The following MACROD2 variants were observed in gnomAD, a reference collection of about 807,000 sequenced individuals.
MACROD2 encodes the protein ADP-ribose glycohydrolase MACROD2.
A neutral mutation model predicts 70.4 loss-of-function variants in MACROD2; 36 were observed. The observed-to-expected ratio is 0.51, with a 90% CI of 0.39 to 0.68. MACROD2 has a LOEUF of 0.68. Among genes scored for constraint, MACROD2 ranks in the 30% least tolerant of loss-of-function variants. The pLI is 0.00. For synonymous variants in MACROD2, 172 were observed against 178.8 expected, an observed-to-expected ratio of 0.96 and a Z score of 0.30; for missense variants, 496 against 538.4, an observed-to-expected ratio of 0.92 and a Z score of 0.78.
chr20:14,216,615 T>C (rs1022830902), intron 3 of MACROD2, among the ~76,000 whole-genome samples: 3 of 152,216 alleles, frequency 2.0e-5, no homozygotes, highest in Non-Finnish European at 4.4e-5. Context: ...ATTTTCACAA[T>C]ATTGATTTCA....
intron 8 of MACROD2, among the ~76,000 whole-genome samples, chr20:15,650,501 A>G (rs1015516879): frequency 6.6e-6 from 1 of 152,212 alleles, no homozygotes; most frequent in African/African-American, 2.4e-5. Flanking sequence ...AGCAAAGTCA[A>G]TCCAAAGTGC....
intron 8 of MACROD2, among the ~76,000 whole-genome samples, chr20:15,500,150 TAAG>T (rs2047347167): frequency 6.6e-6 from 1 of 152,200 alleles, no homozygotes; most frequent in Non-Finnish European, 1.5e-5. Context: ...TGGATTTCAT[TAAG>T]AATAAGGAGT....
At chr20:14,771,463 T>G (rs1477889504) in intron 5 of MACROD2, among the ~76,000 whole-genome samples, 1 of 152,022 alleles carries the variant, frequency 6.6e-6, no homozygotes, top group African/African-American at 2.4e-5. Context: ...CCAAAGAATT[T>G]TATTTTCACA....
At chr20:14,563,526 TA>T (rs1979578414) in intron 4 of MACROD2, among the ~76,000 whole-genome samples, 1 of 151,844 alleles carries the variant, frequency 6.6e-6, no homozygotes, top group South Asian at 2.1e-4. Flanking sequence ...TTACTCTTTT[TA>T]AAAAGAAAAA....
chr20:15,100,847 A>G (rs1228628216), intron 5 of MACROD2, among the ~76,000 whole-genome samples: 1 of 152,192 alleles, frequency 6.6e-6, no homozygotes, highest in Non-Finnish European at 1.5e-5. Context: ...AAAGAAAGCC[A>G]TGAAATGAGA....
chr20:15,614,934 G>A (rs2049017449), intron 8 of MACROD2, among the ~76,000 whole-genome samples: 1 of 152,250 alleles, frequency 6.6e-6, no homozygotes. Context: ...TCTGTTTTTA[G>A]CACATTCCCT....
rs2077614348 is a variant in MACROD2 at position 15,298,741 on chromosome 20, A to G, written c.540+68680A>G. Among the ~76,000 whole-genome samples the G allele has an allele frequency of 2.6e-5, 4 of 152,284 alleles. No homozygotes were observed. The South Asian group carries it at 8.3e-4, about 32-fold the overall frequency. ...AACACTTTATTTTATATATTAAAAG[A>G]GTATTTATGGGGTGCAGTCATGAAA... On this transcript the variant is annotated intron_variant, in intron 6 of 17. Coordinates refer to ENST00000684519, the MANE Select transcript of MACROD2 (RefSeq NM_001351661.2).
chr20:15,471,471 A>G lies in MACROD2; in HGVS notation c.572-28303A>G, dbSNP rs928720397. On this transcript the variant is annotated intron_variant, in intron 7 of 17. Transcript: ENST00000684519. ...GTGTTATTCTCATTTTTTTCATATGATAACTCTGGGACTGAGACAGTAACT... is the reference window on the plus strand; with the variant it reads ...GTGTTATTCTCATTTTTTTCATATGGTAACTCTGGGACTGAGACAGTAACT... Among the ~76,000 whole-genome samples the G allele has an allele frequency of 2.0e-5, 3 of 152,260 alleles. No individual in the cohort carries two copies. In the East Asian group the frequency reaches 5.8e-4, roughly 29 times the overall value.
chr20:15,230,143 G>GA lies in MACROD2; in HGVS notation c.540+85dup, dbSNP rs2076947189. 2.2e-6 allele frequency: 3 copies of GA among 1,365,690 alleles called. No individual in the cohort carries two copies. In the East Asian group the frequency reaches 7.4e-5, roughly 34 times the overall value. The allele number at this position is 1,365,690 out of a possible 1,614,324, so 84.6% of individuals were successfully genotyped here. On this transcript the variant is annotated intron_variant, in intron 6 of 17. Transcript: ENST00000684519. ...ATCTGTCTTGTCTAAAGAGAGGTAG[G>GA]AAACCATTTCCAAACTTTTGAGAAC...
At chr20:14,600,358 A>T (rs1982413972) in intron 4 of MACROD2, among the ~76,000 whole-genome samples, 1 of 149,676 alleles carries the variant, frequency 6.7e-6, no homozygotes, top group Non-Finnish European at 1.5e-5. Context: ...ACACACACAC[A>T]CACACACAAA....
intron 5 of MACROD2, among the ~76,000 whole-genome samples, chr20:14,923,544 C>T (rs1032258484): frequency 1.3e-5 from 2 of 152,086 alleles, no homozygotes; most frequent in African/African-American, 2.4e-5. Context: ...CCAAAATTTT[C>T]GGTGATCTCC....
chr20:15,657,088 A>C lies in MACROD2; in HGVS notation c.645+157241A>C, dbSNP rs569114408. 5.4e-4 allele frequency among the ~76,000 whole-genome samples: 82 copies of C among 152,268 alleles called. 2 individuals are homozygous for C. The highest frequency in any genetic ancestry group is 2.9e-3 in the Admixed American group (45 of 15,292). Reference sequence around the variant, plus strand: ...ATTGCAGGCAAGTAAGAATGAAAAAAGGTAAGGACAGGAAGAAGGAAGAAA... The same window carrying C: ...ATTGCAGGCAAGTAAGAATGAAAAACGGTAAGGACAGGAAGAAGGAAGAAA... On this transcript the variant is annotated intron_variant, in intron 8 of 17. Transcript: ENST00000684519.
intron 4 of MACROD2, among the ~76,000 whole-genome samples, chr20:14,622,490 G>A (rs1983887885): frequency 6.6e-6 from 1 of 152,126 alleles, no homozygotes; most frequent in Admixed American, 6.6e-5. Flanking sequence ...GAAATCTAAT[G>A]TTTAACTCCA....
chr20:15,385,637 CT>C (rs2045702875), intron 6 of MACROD2, among the ~76,000 whole-genome samples: 1 of 152,166 alleles, frequency 6.6e-6, no homozygotes, highest in African/African-American at 2.4e-5. Context: ...AAATTATTAA[CT>C]TCTCCCTAGA....
chr20:15,105,642 C>A (rs1489767766), intron 5 of MACROD2, among the ~76,000 whole-genome samples: 1 of 152,034 alleles, frequency 6.6e-6, no homozygotes, highest in African/African-American at 2.4e-5. Flanking sequence ...AGGAAAAATT[C>A]TTGTCCTCTA....
At chr20:15,590,848 G>C (rs2048667372) in intron 8 of MACROD2, among the ~76,000 whole-genome samples, 1 of 149,944 alleles carries the variant, frequency 6.7e-6, no homozygotes, top group South Asian at 2.1e-4. Context: ...ACTCCATCCT[G>C]GATGACAAAG....
chr20:14,351,196 A>G (rs1298878002), intron 3 of MACROD2, among the ~76,000 whole-genome samples: 1 of 151,710 alleles, frequency 6.6e-6, no homozygotes, highest in African/African-American at 2.4e-5. Flanking sequence ...TCCTTCAACT[A>G]CTTTTCTTTT....
At chr20:16,021,836 C>T (rs1194460578) in intron 15 of MACROD2, among the ~76,000 whole-genome samples, 3 of 152,124 alleles carry the variant, frequency 2.0e-5, no homozygotes, top group East Asian at 3.9e-4. Context: ...TTTTATACCG[C>T]TATTTCTTTT....
intron 8 of MACROD2, among the ~76,000 whole-genome samples, chr20:15,604,777 G>A (rs1014425224): frequency 1.3e-5 from 2 of 152,128 alleles, no homozygotes; most frequent in Admixed American, 6.6e-5. Context: ...TCTGTGCTAC[G>A]GGGACACTAT....
Sources: gnomAD v4.1 joint callset for allele counts (sites outside exome capture counted in the v4.1 genomes callset) on GRCh38, gnomAD v4.1.1 for gene constraint, MANE v1.5 for transcripts, NCBI Gene and HGNC (gene_info 2026-07-23, HGNC 2026-07-21) for gene names.